NHSL3: variants seen among roughly 807,000 people sequenced by gnomAD.
NHSL3 encodes NHS like 3.
chr1:32,772,746 G>A, the NHSL3 span: 5 of 1,018,292 alleles, frequency 4.9e-6, no homozygotes, highest in Admixed American at 3.6e-5. Flanking sequence ...AGTGCTGCGG[G>A]CACTGTCAGT....
At chr1:32,770,040 G>C in the NHSL3 span, 554 of 1,582,778 alleles carry the variant, frequency 3.5e-4, 3 homozygotes, top group East Asian at 9.4e-3. This position sits in a 1 kb window ranked among gnomAD's most constrained non-coding sequence, Gnocchi z 8.3. Flanking sequence ...CTGGCGCTGA[G>C]ACAGAGGCCA....
the NHSL3 span, among the ~76,000 whole-genome samples, chr1:32,756,142 A>G: frequency 2.4e-4 from 36 of 152,350 alleles, no homozygotes; most frequent in African/African-American, 8.7e-4. Context: ...AGCAATGTCA[A>G]GACAACACAG....
the NHSL3 span, among the ~76,000 whole-genome samples, chr1:32,752,915 A>AC: frequency 1.8e-4 from 1 of 5,518 alleles, no homozygotes; most frequent in Non-Finnish European, 6.6e-4. Context: ...ACACACACAC[A>AC]CACACACACA....
the NHSL3 span, chr1:32,765,850 G>T: frequency 2.2e-4 from 346 of 1,539,382 alleles, 5 homozygotes; most frequent in South Asian, 3.0e-3. Context: ...GGCTTGGGGG[G>T]AGGGGAGGGA....
chr1:32,773,175 C>T, the NHSL3 span: 63 of 514,282 alleles, frequency 1.2e-4, no homozygotes, highest in Non-Finnish European at 2.0e-4. Flanking sequence ...AGGGTGGCTG[C>T]GCCCCCTGCT....
the NHSL3 span, among the ~76,000 whole-genome samples, chr1:32,764,553 C>T: frequency 2.7e-5 from 4 of 150,380 alleles, no homozygotes; most frequent in South Asian, 2.1e-4. Context: ...CTGCAGTCTT[C>T]GGCTCCCAGG....
At chr1:32,771,978 G>C in the NHSL3 span, 12 of 1,606,200 alleles carry the variant, frequency 7.5e-6, no homozygotes, top group African/African-American at 2.7e-5. Context: ...TCCATGCTGC[G>C]GTCCGACTCA....
At chr1:32,754,923 T>TC in the NHSL3 span, among the ~76,000 whole-genome samples, 1 of 91,834 alleles carries the variant, frequency 1.1e-5, no homozygotes, top group East Asian at 3.1e-4. Context: ...TCTCCCCGCC[T>TC]CCCCCCCTCC....
the NHSL3 span, among the ~76,000 whole-genome samples, chr1:32,766,124 C>T: frequency 6.6e-6 from 1 of 152,022 alleles, no homozygotes; most frequent in Non-Finnish European, 1.5e-5. Context: ...CTGGGTACAG[C>T]CTCCCAGTCA....
the NHSL3 span, chr1:32,773,181 C>T: frequency 1.9e-6 from 1 of 513,480 alleles, no homozygotes; most frequent in Admixed American, 3.2e-5. Flanking sequence ...GCTGCGCCCC[C>T]TGCTGGCCCT....
chr1:32,745,159 A>G, the NHSL3 span, among the ~76,000 whole-genome samples: 5 of 151,440 alleles, frequency 3.3e-5, no homozygotes, highest in East Asian at 9.8e-4. Flanking sequence ...ATTATATTAA[A>G]GAGAAGTAAC....
chr1:32,760,945 C>T, the NHSL3 span, among the ~76,000 whole-genome samples: 1 of 152,154 alleles, frequency 6.6e-6, no homozygotes, highest in African/African-American at 2.4e-5. Context: ...TGGGACGCTG[C>T]CTGCTGCCTG....
chr1:32,742,404 GA>G, the NHSL3 span, among the ~76,000 whole-genome samples: 6 of 152,250 alleles, frequency 3.9e-5, no homozygotes, highest in Admixed American at 6.5e-5. Flanking sequence ...GAGGGGAGGG[GA>G]CCCCCGGCTG....
At chr1:32,764,558 C>T in the NHSL3 span, among the ~76,000 whole-genome samples, 3 of 151,652 alleles carry the variant, frequency 2.0e-5, no homozygotes, top group African/African-American at 4.8e-5. Flanking sequence ...GTCTTCGGCT[C>T]CCAGGTTCAA....
the NHSL3 span, chr1:32,772,339 G>A: frequency 6.2e-7 from 1 of 1,605,406 alleles, no homozygotes; most frequent in Non-Finnish European, 8.5e-7. Flanking sequence ...TCCCACCAAT[G>A]GGCTCCCTCA....
chr1:32,769,160 A>C, the NHSL3 span, among the ~76,000 whole-genome samples: 40 of 152,246 alleles, frequency 2.6e-4, no homozygotes, highest in Non-Finnish European at 4.6e-4. Flanking sequence ...AGGCTGAGGC[A>C]GGAGAATGGC....
chr1:32,767,776 C>A, the NHSL3 span: 2 of 1,595,358 alleles, frequency 1.3e-6, no homozygotes, highest in South Asian at 1.1e-5. Flanking sequence ...CTTCCTCCTC[C>A]CTCCTACTAG....
the NHSL3 span, among the ~76,000 whole-genome samples, chr1:32,764,471 C>CTT: frequency 1.4e-5 from 2 of 142,378 alleles, no homozygotes; most frequent in African/African-American, 2.6e-5. Flanking sequence ...TTGTTTTTTT[C>CTT]TTTTTTTTTT....
the NHSL3 span, among the ~76,000 whole-genome samples, chr1:32,759,465 A>T: frequency 6.6e-6 from 1 of 152,226 alleles, no homozygotes; most frequent in Non-Finnish European, 1.5e-5. Flanking sequence ...CTGGCCCAGA[A>T]ACTCATTAGG....
Sources: allele counts gnomAD v4.1 joint callset (sites outside exome capture counted in the v4.1 genomes callset), GRCh38; gene constraint gnomAD v4.1.1; non-coding constraint Gnocchi (gnomAD v3.1); transcripts MANE v1.5; gene names NCBI Gene and HGNC (gene_info 2026-07-23, HGNC 2026-07-21).